CDH13: variants seen among roughly 807,000 people sequenced by gnomAD.
CDH13 encodes the protein cadherin-13.
Under a neutral mutation model 63.8 loss-of-function variants are expected in CDH13, and 24 were observed. The ratio of observed to expected loss-of-function variants is 0.38; its 90% CI spans 0.27 to 0.53. The LOEUF (loss-of-function observed/expected upper bound fraction) is 0.53. Among genes scored for constraint, CDH13 ranks in the 20% least tolerant of loss-of-function variants. The probability of loss-of-function intolerance (pLI) is 0.85; values close to 1 mark genes in which losing one functional copy is unlikely to be tolerated. For missense variants in CDH13, 1,049 were observed against 903.1 expected (o/e 1.16, Z -2.07); for synonymous variants, 503 against 355.3 (o/e 1.42, Z -4.67).
intron 6 of CDH13, among the ~76,000 whole-genome samples, chr16:83,461,805 T>C (rs2073188326): frequency 6.6e-6 from 1 of 152,312 alleles, no homozygotes; most frequent in South Asian, 2.1e-4. Context: ...GGGGAATGTA[T>C]AAGAGCTATA....
intron 6 of CDH13, among the ~76,000 whole-genome samples, chr16:83,356,840 G>C (rs952538731): frequency 2.0e-5 from 3 of 152,084 alleles, no homozygotes; most frequent in African/African-American, 7.2e-5. Flanking sequence ...CAGCTTTCTT[G>C]CTTTAATTAT....
intron 7 of CDH13, among the ~76,000 whole-genome samples, chr16:83,534,352 TTTTTCC>T (rs2075142859): frequency 6.6e-6 from 1 of 152,224 alleles, no homozygotes; most frequent in Non-Finnish European, 1.5e-5. Context: ...GACCTCTTCA[TTTTTCC>T]TTTTCCTGTT....
At chr16:83,153,865 A>T (rs2037094619) in intron 4 of CDH13, among the ~76,000 whole-genome samples, 2 of 152,196 alleles carry the variant, frequency 1.3e-5, no homozygotes, top group African/African-American at 4.8e-5. Flanking sequence ...TGGTCATTGT[A>T]GTTATTTTAT....
chr16:83,491,805 G>C (rs968575338), intron 7 of CDH13, among the ~76,000 whole-genome samples: 1 of 152,130 alleles, frequency 6.6e-6, no homozygotes, highest in African/African-American at 2.4e-5. Flanking sequence ...TTAGGGCTGT[G>C]AATGTAATTT....
chr16:83,348,519 G>A (rs1597803888), intron 6 of CDH13, among the ~76,000 whole-genome samples: 1 of 152,308 alleles, frequency 6.6e-6, no homozygotes, highest in East Asian at 1.9e-4. Flanking sequence ...AGGGTCCCAT[G>A]CTCAGAAGGG....
At chr16:83,195,832 C>T (rs1016331120) in intron 4 of CDH13, among the ~76,000 whole-genome samples, 6 of 152,296 alleles carry the variant, frequency 3.9e-5, no homozygotes, top group East Asian at 3.9e-4. Context: ...TGTCCAACTG[C>T]TTCTTAGTAA....
At chr16:83,764,668 C>T (rs1450860170) in intron 11 of CDH13, among the ~76,000 whole-genome samples, 2 of 149,806 alleles carry the variant, frequency 1.3e-5, no homozygotes, top group Non-Finnish European at 3.0e-5. Flanking sequence ...TCCTGCCTGC[C>T]TTCCCTGAGG....
intron 1 of CDH13, among the ~76,000 whole-genome samples, chr16:82,651,232 TC>T (rs1294918149): frequency 1.3e-5 from 2 of 152,218 alleles, no homozygotes; most frequent in Non-Finnish European, 2.9e-5. Flanking sequence ...TTGAGCACTG[TC>T]TACATATCAG....
At chr16:83,032,634 C>T (rs780754420) in intron 3 of CDH13, among the ~76,000 whole-genome samples, 4 of 152,146 alleles carry the variant, frequency 2.6e-5, no homozygotes, top group African/African-American at 9.7e-5. Flanking sequence ...GAAAGCATCT[C>T]TTCAAGACGA....
chr16:83,724,560 G>C (rs552843267), intron 10 of CDH13, among the ~76,000 whole-genome samples: 2 of 150,462 alleles, frequency 1.3e-5, no homozygotes, highest in East Asian at 1.9e-4. Flanking sequence ...TGAATGGATG[G>C]ATACATGGAT....
intron 2 of CDH13, among the ~76,000 whole-genome samples, chr16:83,027,699 G>A (rs1411724441): frequency 6.6e-6 from 1 of 152,186 alleles, no homozygotes; most frequent in East Asian, 1.9e-4. Flanking sequence ...GAGCAGAGCT[G>A]TGTGGCCCCC....
intron 1 of CDH13, among the ~76,000 whole-genome samples, chr16:82,851,019 G>A (rs1326953636): frequency 1.3e-5 from 2 of 152,174 alleles, no homozygotes; most frequent in African/African-American, 4.8e-5. Flanking sequence ...GTCTGGAACC[G>A]AACCTGCAGT....
Position 82,627,337 on chromosome 16 carries a change from C to CGTGTGTGT in CDH13, c.45+237_45+244dup, listed in dbSNP as rs71146081. ...ACACACAGGCTCCCACTCTGGCGTG[C>CGTGTGTGT]GTGTGTGTGTGTGTGTGTGTGTGTG... On this transcript the variant is annotated intron_variant, in intron 1 of 13. Transcript: ENST00000567109. Among the ~76,000 whole-genome samples the CGTGTGTGT allele has an allele frequency of 9.8e-3, 1,285 of 131,216 alleles. 12 individuals carry two copies. The highest frequency in any genetic ancestry group is 0.026 in the Middle Eastern group (6 of 230). The allele number at this position is 131,216 out of a possible 152,430, so 86.1% of individuals were successfully genotyped here.
intron 2 of CDH13, among the ~76,000 whole-genome samples, chr16:82,900,808 T>C (rs535811752): frequency 6.6e-6 from 1 of 152,232 alleles, no homozygotes; most frequent in Non-Finnish European, 1.5e-5. Flanking sequence ...AATCACTTCC[T>C]TTCTGGCTGG....
At chr16:83,228,310 C>T (rs1419367259) in intron 5 of CDH13, among the ~76,000 whole-genome samples, 6 of 152,204 alleles carry the variant, frequency 3.9e-5, no homozygotes, top group African/African-American at 1.2e-4. Context: ...TCCGCAGGGC[C>T]GTGCTCTGCA....
chr16:83,061,335 G>A (rs911998797), intron 3 of CDH13, among the ~76,000 whole-genome samples: 2 of 151,796 alleles, frequency 1.3e-5, no homozygotes, highest in East Asian at 1.9e-4. Context: ...GGCTTTGTCC[G>A]GATGAGTGGA....
chr16:83,364,093 A>G (rs150029708), intron 6 of CDH13, among the ~76,000 whole-genome samples: 4 of 152,344 alleles, frequency 2.6e-5, no homozygotes, highest in East Asian at 3.9e-4. Context: ...TTAACATGTT[A>G]TATAAATGTC....
chr16:83,460,127 G>T (rs1023823936), intron 6 of CDH13, among the ~76,000 whole-genome samples: 3 of 152,136 alleles, frequency 2.0e-5, no homozygotes, highest in Non-Finnish European at 4.4e-5. Flanking sequence ...TAAGAAAAAT[G>T]ACTAATGTAT....
At chr16:82,635,299 C>G (rs919958426) in intron 1 of CDH13, among the ~76,000 whole-genome samples, 1 of 152,210 alleles carries the variant, frequency 6.6e-6, no homozygotes. Context: ...CCCTGACAAC[C>G]TGATGCTTCA....
Sources: allele counts gnomAD v4.1 joint callset (sites outside exome capture counted in the v4.1 genomes callset), GRCh38; gene constraint gnomAD v4.1.1; transcripts MANE v1.5; gene names NCBI Gene and HGNC (gene_info 2026-07-23, HGNC 2026-07-21).